Variants in SAMD12 observed in about 807,000 individuals in gnomAD.
SAMD12 encodes sterile alpha motif domain containing 12.
Under a neutral mutation model 15.0 loss-of-function variants are expected in SAMD12, and 9 were observed. The observed-to-expected ratio is 0.60, with a 90% confidence interval of 0.36 to 1.05. SAMD12 has a LOEUF of 1.05. Among genes scored for constraint, SAMD12 ranks in the 50% least tolerant of loss-of-function variants. SAMD12 has a pLI of 0.01. For missense variants in SAMD12, 230 were observed against 234.2 expected (o/e 0.98, Z 0.12); for synonymous variants, 86 against 90.1 (o/e 0.96, Z 0.25).
chr8:118,198,475 T>C (rs1274611738), intron 4 of SAMD12, among the ~76,000 whole-genome samples: 2 of 152,202 alleles, frequency 1.3e-5, no homozygotes, highest in African/African-American at 2.4e-5. Flanking sequence ...TACAATGGAA[T>C]GTTTTGCTCA....
rs182796612 is a variant in SAMD12 at position 118,407,240 on chromosome 8, G to A, written c.323-27540C>T. 1.7e-3 allele frequency among the ~76,000 whole-genome samples: 253 copies of A among 152,108 alleles called. 2 individuals carry two copies. The highest frequency in any genetic ancestry group is 5.6e-3 in the African/African-American group (233 of 41,468). ...TCTATTTTTAATTTTTTGAGGAATCGCCTGTTGATTTCCATAGCAGCTGCA... is the reference window on the plus strand; with the variant it reads ...TCTATTTTTAATTTTTTGAGGAATCACCTGTTGATTTCCATAGCAGCTGCA... On this transcript the variant is annotated intron_variant, in intron 3 of 3. Coordinates refer to ENST00000314727, the MANE Select transcript of SAMD12 (RefSeq NM_207506.3).
intron 2 of SAMD12, among the ~76,000 whole-genome samples, chr8:118,546,581 T>G (rs1294346110): frequency 2.0e-5 from 3 of 152,146 alleles, no homozygotes; most frequent in Non-Finnish European, 4.4e-5. Flanking sequence ...TTAATCTCTG[T>G]TAATTACAAT....
chr8:118,362,528 G>A (rs560737506), intron 4 of SAMD12, among the ~76,000 whole-genome samples: 1 of 152,198 alleles, frequency 6.6e-6, no homozygotes, highest in South Asian at 2.1e-4. Context: ...TGATAGAAAT[G>A]GGATAAACTG....
At chr8:118,551,239 C>A (rs1296949638) in intron 2 of SAMD12, among the ~76,000 whole-genome samples, 1 of 152,314 alleles carries the variant, frequency 6.6e-6, no homozygotes, top group East Asian at 1.9e-4. Flanking sequence ...TTCAGCACCA[C>A]ACCACACCTA....
At chr8:118,384,461 TG>T (rs1267906166) in intron 3 of SAMD12, among the ~76,000 whole-genome samples, 1 of 152,104 alleles carries the variant, frequency 6.6e-6, no homozygotes, top group Non-Finnish European at 1.5e-5. Flanking sequence ...TGTACTGGGG[TG>T]GCAGGGAAGA....
intron 2 of SAMD12, among the ~76,000 whole-genome samples, chr8:118,473,472 A>T (rs909931205): frequency 6.6e-6 from 1 of 152,180 alleles, no homozygotes; most frequent in African/African-American, 2.4e-5. Context: ...GAGAAAATCC[A>T]AGTGCTTTAA....
exon 5 of SAMD12, chr8:118,191,803 TATATATATAG>T (rs1819402688): frequency 6.9e-5 from 2 of 29,162 alleles, no homozygotes. Flanking sequence ...TATATATATA[TATATATATAG>T]AGAGAGAGAG....
intron 3 of SAMD12, among the ~76,000 whole-genome samples, chr8:118,395,407 T>G (rs1337166328): frequency 1.3e-5 from 2 of 152,130 alleles, no homozygotes; most frequent in African/African-American, 4.8e-5. Context: ...AGAGTGATTC[T>G]CAAATTGAGC....
intron 3 of SAMD12, among the ~76,000 whole-genome samples, chr8:118,426,621 C>T (rs1349370958): frequency 6.6e-6 from 1 of 152,196 alleles, no homozygotes; most frequent in African/African-American, 2.4e-5. Flanking sequence ...CATCTGGTGA[C>T]AATTTCCACT....
At chr8:118,395,630 A>G (rs1820518314) in intron 3 of SAMD12, among the ~76,000 whole-genome samples, 1 of 152,208 alleles carries the variant, frequency 6.6e-6, no homozygotes, top group Admixed American at 6.5e-5. Context: ...AGTACATACT[A>G]TAATCAATAA....
At chr8:118,457,305 A>G (rs1823287799) in intron 2 of SAMD12, among the ~76,000 whole-genome samples, 1 of 148,206 alleles carries the variant, frequency 6.7e-6, no homozygotes, top group African/African-American at 2.5e-5. Context: ...ATCATCGCTC[A>G]CTGCAGCCTC....
chr8:118,245,447 C>T (rs999435018), intron 4 of SAMD12, among the ~76,000 whole-genome samples: 4 of 152,218 alleles, frequency 2.6e-5, no homozygotes, highest in East Asian at 1.9e-4. Flanking sequence ...GTCCCAGCCA[C>T]GTTACACGGT....
At chr8:118,275,676 C>T (rs1272428965) in intron 4 of SAMD12, among the ~76,000 whole-genome samples, 1 of 152,130 alleles carries the variant, frequency 6.6e-6, no homozygotes, top group Non-Finnish European at 1.5e-5. Flanking sequence ...AGCACAGTAT[C>T]CAACAGTTAA....
chr8:118,277,208 G>A (rs1458994097), intron 4 of SAMD12, among the ~76,000 whole-genome samples: 2 of 152,050 alleles, frequency 1.3e-5, no homozygotes, highest in Non-Finnish European at 2.9e-5. Context: ...CACCACCCAG[G>A]CCTTAACTCT....
At chr8:118,488,568 A>C (rs1214339497) in intron 2 of SAMD12, among the ~76,000 whole-genome samples, 1 of 152,070 alleles carries the variant, frequency 6.6e-6, no homozygotes, top group East Asian at 1.9e-4. Flanking sequence ...GGTAACTGCT[A>C]TTCTGGTACC....
rs117744346 is a variant in SAMD12 at position 118,463,348 on chromosome 8, T to C, written c.193-23387A>G. ...AAGACGCCATGACTCAGGCAGGTGT[T>C]AGGAGATCAGGAGTCTAGGATCAAG... On this transcript the variant is annotated intron_variant, in intron 2 of 3. Transcript: ENST00000314727. Among the ~76,000 whole-genome samples, 533 of 152,104 alleles carry C rather than the reference T, an allele frequency of 3.5e-3. 3 individuals carry two copies. Among genetic ancestry groups the C allele is most frequent in the Admixed American group, 8.3e-3 (127 of 15,274 alleles).
At chr8:118,359,645 T>A (rs1017127831) in intron 4 of SAMD12, among the ~76,000 whole-genome samples, 6 of 152,214 alleles carry the variant, frequency 3.9e-5, no homozygotes, top group African/African-American at 1.4e-4. Flanking sequence ...TTATACTGTG[T>A]GACTTGGGTT....
At chr8:118,518,144 T>G (rs1443858039) in intron 2 of SAMD12, among the ~76,000 whole-genome samples, 1 of 152,302 alleles carries the variant, frequency 6.6e-6, no homozygotes, top group African/African-American at 2.4e-5. Context: ...GCCAAAGGGA[T>G]AGCATTCTTT....
At chr8:118,610,655 G>A (rs1461759820) in intron 1 of SAMD12, among the ~76,000 whole-genome samples, 3 of 152,148 alleles carry the variant, frequency 2.0e-5, no homozygotes, top group Non-Finnish European at 4.4e-5. Context: ...ACAAATAGTC[G>A]AGTGCCTTCT....
Sources: gnomAD v4.1 joint callset for allele counts (sites outside exome capture counted in the v4.1 genomes callset) on GRCh38, gnomAD v4.1.1 for gene constraint, MANE v1.5 for transcripts, NCBI Gene and HGNC (gene_info 2026-07-23, HGNC 2026-07-21) for gene names.